The following BYSL variants were observed in gnomAD, a reference collection of about 807,000 sequenced individuals.
BYSL encodes the protein bystin like, also known as bystin.
BYSL carries 21 observed loss-of-function variants against 45.4 expected under a neutral mutation model. The ratio of observed to expected loss-of-function variants is 0.46; its 90% CI spans 0.33 to 0.67. The LOEUF is 0.67. Ranked by LOEUF, BYSL falls within the 30% of genes least tolerant of loss-of-function variation. BYSL has a pLI of 0.02. For missense variants in BYSL, 522 were observed against 578.5 expected (o/e 0.90, Z 1.00); for synonymous variants, 215 against 231.3 (o/e 0.93, Z 0.64).
chr6:41,915,498 A>AACAC, the BYSL span, among the ~76,000 whole-genome samples: 44,027 of 151,644 alleles, frequency 0.29, 6,854 homozygotes, highest in African/African-American at 0.4. Context: ...ATCTCTTAAA[A>AACAC]ACACACACGC....
chr6:41,932,789 T>C lies in BYSL; in HGVS notation c.*83T>C, dbSNP rs1775660494. 7.1e-7 allele frequency: 1 copy of C among 1,400,060 alleles called. No individual in the cohort carries two copies. Among genetic ancestry groups the C allele is most frequent in the South Asian group, 1.4e-5 (1 of 73,082 alleles). The allele number at this position is 1,400,060 out of a possible 1,614,324, so 86.7% of individuals were successfully genotyped here. On this transcript the variant is annotated 3_prime_UTR_variant, in exon 7 of 7. Coordinates refer to ENST00000230340, the MANE Select transcript of BYSL (RefSeq NM_004053.4). This position sits in a 1 kb window ranked among gnomAD's most constrained non-coding sequence, Gnocchi z 4.7. Reference sequence around the variant, plus strand: ...GGTGACTGAAGATGACACTGAGCTTTAATGGCTGAAGACCCAGATCAGGGC... The same window carrying C: ...GGTGACTGAAGATGACACTGAGCTTCAATGGCTGAAGACCCAGATCAGGGC...
At chr6:41,912,504 C>T in the BYSL span, among the ~76,000 whole-genome samples, 13 of 151,670 alleles carry the variant, frequency 8.6e-5, no homozygotes, top group Non-Finnish European at 1.6e-4. Flanking sequence ...TTACAGGTGC[C>T]TGCCACCATG....
chr6:41,927,049 C>T (rs1317030284), intron 1 of BYSL, among the ~76,000 whole-genome samples: 1 of 149,064 alleles, frequency 6.7e-6, no homozygotes, highest in Admixed American at 6.7e-5. Flanking sequence ...AGCTGAGATC[C>T]AGCCACTGCA....
chr6:41,928,382 GA>G (rs1336019743), intron 2 of BYSL, among the ~76,000 whole-genome samples: 1 of 152,156 alleles, frequency 6.6e-6, no homozygotes, highest in Middle Eastern at 3.2e-3. Flanking sequence ...CAGCTTATTT[GA>G]AAATGCAGAA....
the BYSL span, among the ~76,000 whole-genome samples, chr6:41,910,697 G>A: frequency 1.3e-5 from 2 of 151,068 alleles, no homozygotes; most frequent in South Asian, 4.2e-4. Context: ...TACGCTACAA[G>A]AATTAATGGA....
upstream of BYSL, chr6:41,921,255 C>G (rs969318617): frequency 6.3e-6 from 4 of 636,854 alleles, no homozygotes; most frequent in Non-Finnish European, 7.9e-6. Context: ...GTTTCTAAAT[C>G]CAGACATTCC....
chr6:41,929,413 G>A (rs566185619), intron 2 of BYSL, among the ~76,000 whole-genome samples: 1 of 152,266 alleles, frequency 6.6e-6, no homozygotes, highest in African/African-American at 2.4e-5. Context: ...CGGGAAGATC[G>A]CTTGAGCCAG....
rs761877397 is a variant in BYSL at position 41,927,526 on chromosome 6, C to G, written c.421C>G (p.Pro141Ala). ...CATAGAGATGTTCATGAACAAGAACCCTCCTGCCAGGTAGGCCTGGGGATT... is the reference window on the plus strand; with the variant it reads ...CATAGAGATGTTCATGAACAAGAACGCTCCTGCCAGGTAGGCCTGGGGATT... ...RAIEMFMNKN[P>A]PARRTLADII... Residue 141 changes from proline to alanine, a missense_variant, in exon 2 of 7, where the codon CCT becomes GCT. Coordinates refer to ENST00000230340, the MANE Select transcript of BYSL (RefSeq NM_004053.4). 7 of 1,613,694 alleles carry G rather than the reference C, an allele frequency of 4.3e-6. No individual in the cohort carries two copies. Among genetic ancestry groups the G allele is most frequent in the East Asian group, 2.2e-5 (1 of 44,886 alleles).
chr6:41,930,928 A>AT (rs1376844143), intron 4 of BYSL, among the ~76,000 whole-genome samples, 160 bp downstream of exon 4: 2 of 152,076 alleles, frequency 1.3e-5, no homozygotes, highest in Non-Finnish European at 2.9e-5. Flanking sequence ...TTCCTGTGTC[A>AT]TTTTTTGGGG....
the BYSL span, among the ~76,000 whole-genome samples, chr6:41,911,517 A>G: frequency 6.6e-6 from 1 of 152,210 alleles, no homozygotes; most frequent in African/African-American, 2.4e-5. Context: ...AAAGACCACA[A>G]GTCTTTCGGA....
chr6:41,931,321 T>G, intron 4 of BYSL, 75 bp from the exon 5 acceptor site: 1 of 1,543,782 alleles, frequency 6.5e-7, no homozygotes, highest in Admixed American at 1.7e-5. Context: ...GTATGCACTA[T>G]CCATGGTGAT....
In BYSL at chr6:41,930,688, T is replaced by C. The variant is rs777993505; in HGVS notation, c.624T>C (p.Pro208=). The change falls in exon 4 of 7, where the codon CCT becomes CCC. Residue 208 remains proline (P), a synonymous_variant. Coordinates refer to ENST00000230340, the MANE Select transcript of BYSL (RefSeq NM_004053.4). The part of the protein sequence containing the change: ...GKLPKAFKII[P]ALSNWEQILY... Reference sequence around the variant, plus strand: ...TGCCCAAGGCATTTAAGATCATCCCTGCACTCTCCAACTGGGAGCAAATCC... The same window carrying C: ...TGCCCAAGGCATTTAAGATCATCCCCGCACTCTCCAACTGGGAGCAAATCC... 7 of 1,614,146 alleles carry C rather than the reference T, an allele frequency of 4.3e-6. No homozygotes were observed. The highest frequency in any genetic ancestry group is 1.6e-4 in the Middle Eastern group (1 of 6,062).
At chr6:41,909,309 G>A in the BYSL span, 4 of 1,614,050 alleles carry the variant, frequency 2.5e-6, no homozygotes, top group Non-Finnish European at 3.4e-6. Context: ...CATTGTGACC[G>A]TGCCCACCTT....
chr6:41,931,479 C>T lies in BYSL; in HGVS notation c.788C>T (p.Ala263Val). The T allele has an allele frequency of 1.2e-6, 2 of 1,614,102 alleles. No homozygotes were observed. Among genetic ancestry groups the T allele is most frequent in the Non-Finnish European group, 1.7e-6 (2 of 1,179,976 alleles). The change falls in exon 5 of 7, where the codon GCT becomes GTT. Residue 263 changes from alanine (A) to valine (V), a missense_variant. Ala to Val is a moderately conservative substitution (Grantham distance 64). Transcript: ENST00000230340. ...VLLPRVRDDV[A>V]EYKRLNFHLY... is the part of the protein sequence containing the mutation. ...CTCCCTCGAGTACGAGATGACGTTGCTGAATACAAACGACTCAACTTCCAT... is the reference window on the plus strand; with the variant it reads ...CTCCCTCGAGTACGAGATGACGTTGTTGAATACAAACGACTCAACTTCCAT...
chr6:41,910,938 G>C, the BYSL span, among the ~76,000 whole-genome samples: 1 of 151,598 alleles, frequency 6.6e-6, no homozygotes, highest in South Asian at 2.1e-4. Flanking sequence ...GTAAAACCTC[G>C]TGTCTACTAA....
At chr6:41,926,256 C>T (rs907029811) in intron 1 of BYSL, among the ~76,000 whole-genome samples, 2 of 152,148 alleles carry the variant, frequency 1.3e-5, no homozygotes, top group African/African-American at 2.4e-5. Context: ...TAATCAAACC[C>T]GAATATGTGT....
At chr6:41,928,876 G>A (rs2127385981) in intron 2 of BYSL, among the ~76,000 whole-genome samples, 1 of 152,254 alleles carries the variant, frequency 6.6e-6, no homozygotes, top group East Asian at 1.9e-4. Context: ...CTCTAGGACT[G>A]AAAAGTCCCA....
chr6:41,921,368 C>T, upstream of BYSL: 3 of 692,062 alleles, frequency 4.3e-6, no homozygotes, highest in South Asian at 2.0e-5. Flanking sequence ...TGAATATATT[C>T]GGGAGTCCAG....
chr6:41,921,526 C>G lies in BYSL; in HGVS notation c.-37C>G. 6.5e-7 allele frequency: 1 copy of G among 1,544,766 alleles called. No individual in the cohort carries two copies. Among genetic ancestry groups the G allele is most frequent in the South Asian group, 1.2e-5 (1 of 80,258 alleles). On this transcript the variant is annotated 5_prime_UTR_variant, in exon 1 of 7. Coordinates refer to ENST00000230340, the MANE Select transcript of BYSL (RefSeq NM_004053.4). The stretch of plus-strand genomic sequence containing the variant: ...GCGCATCCTGGCCTTTCTTCAGTCC[C>G]CACGTGCGATCCTTCCCGGCAACTT...
Sources: gnomAD v4.1 joint callset for allele counts (sites outside exome capture counted in the v4.1 genomes callset) on GRCh38, gnomAD v4.1.1 for gene constraint, Gnocchi (gnomAD v3.1) non-coding constraint, MANE v1.5 for transcripts, NCBI Gene and HGNC (gene_info 2026-07-23, HGNC 2026-07-21) for gene names.